Variants in KCNC1 observed in about 807,000 individuals in gnomAD.
KCNC1 encodes the protein potassium voltage-gated channel subfamily C member 1, also known as voltage-gated potassium channel KCNC1.
A neutral mutation model predicts 43.4 loss-of-function variants in KCNC1; 8 were observed. The ratio of observed to expected loss-of-function variants is 0.18; its 90% CI spans 0.11 to 0.33. The LOEUF (loss-of-function observed/expected upper bound fraction) is 0.33. KCNC1 is among the 10% of genes least tolerant of loss of function. The probability of loss-of-function intolerance (pLI) is 1.00; values close to 1 mark genes in which losing one functional copy is unlikely to be tolerated. For missense variants in KCNC1, 420 were observed against 836.0 expected, an observed-to-expected ratio of 0.50 and a Z score of 6.14; for synonymous variants, 361 against 360.5, an observed-to-expected ratio of 1.00 and a Z score of -0.01.
intron 1 of KCNC1, among the ~76,000 whole-genome samples, chr11:17,748,791 G>A (rs1848931468): frequency 6.6e-6 from 1 of 152,148 alleles, no homozygotes. Flanking sequence ...AGCCACAGGG[G>A]CCTGCACAGG....
In KCNC1 at chr11:17,736,661, G is replaced by C. The variant is rs1026590658; in HGVS notation, c.570+89G>C. 4.2e-6 allele frequency: 6 copies of C among 1,438,822 alleles called. No individual in the cohort carries two copies. In the Admixed American group the frequency reaches 1.4e-4, roughly 34 times the overall value. The allele number at this position is 1,438,822 out of a possible 1,614,324, so 89.1% of individuals were successfully genotyped here. On this transcript the variant is annotated intron_variant, in intron 1 of 3. Transcript: ENST00000265969. The surrounding 1 kb of genome is among the most constrained non-coding windows in gnomAD (Gnocchi z 9.3). ...GGCAGGGGTGGACCGGAGAACTGGC[G>C]CCTAGGGAGTTCAGAATCGAAAGGG...
chr11:17,778,894 C>T (rs1275622866), intron 2 of KCNC1, among the ~76,000 whole-genome samples: 1 of 151,830 alleles, frequency 6.6e-6, no homozygotes, highest in African/African-American at 2.4e-5. Flanking sequence ...TGGTGTGAAC[C>T]AGGTGATCAG....
At chr11:17,743,800 T>C (rs1341244821) in intron 1 of KCNC1, among the ~76,000 whole-genome samples, 1 of 152,228 alleles carries the variant, frequency 6.6e-6, no homozygotes, top group Non-Finnish European at 1.5e-5. Context: ...CTCACTTCAG[T>C]GTCCTCCCTG....
At chr11:17,754,729 C>T (rs1461808996) in intron 1 of KCNC1, among the ~76,000 whole-genome samples, 4 of 152,196 alleles carry the variant, frequency 2.6e-5, no homozygotes, top group Admixed American at 2.6e-4. Context: ...TCAGCCACCT[C>T]ATGGACCTTA....
chr11:17,756,141 C>T lies in KCNC1; in HGVS notation c.571-15524C>T, dbSNP rs150200704. 2.4e-3 allele frequency among the ~76,000 whole-genome samples: 367 copies of T among 152,280 alleles called. 3 individuals carry two copies. The highest frequency in any genetic ancestry group is 0.017 in the Middle Eastern group (5 of 294). On this transcript the variant is annotated intron_variant, in intron 1 of 3. Transcript: ENST00000265969. ...TCTCTGCCTAGAATGTGCTTCCTTG[C>T]ACCTTGCATTTCCCTAGTTGATTCT...
At position 17,779,283 on chromosome 11, in the gene KCNC1, C is replaced by G. The variant is rs1164414688; in HGVS notation, c.1505-173C>G. The G allele has an allele frequency of 3.6e-6, 2 of 560,984 alleles. No individual in the cohort carries two copies. The highest frequency in any genetic ancestry group is 3.1e-6 in the Non-Finnish European group (1 of 323,248). 34.8% of individuals were successfully genotyped at this position (560,984 alleles called of 1,614,324 possible). A position where few individuals can be genotyped will look rare whatever the true frequency, so the allele number is the denominator to read the frequency against. ...CCGAAGGCTGCCTGAATGAGCTGAA[C>G]CCCCCACCAAGCCCCCTGCCTTGTG... On this transcript the variant is annotated intron_variant, in intron 2 of 3. Coordinates refer to ENST00000265969, the MANE Select transcript of KCNC1 (RefSeq NM_001112741.2). This position sits in a 1 kb window ranked among gnomAD's most constrained non-coding sequence, Gnocchi z 7.2.
intron 1 of KCNC1, among the ~76,000 whole-genome samples, chr11:17,766,582 T>C (rs1393418710): frequency 1.3e-5 from 2 of 152,154 alleles, no homozygotes; most frequent in Admixed American, 1.3e-4. Flanking sequence ...ACAGGGGCAG[T>C]GTCCCCACCC....
At chr11:17,738,517 C>G (rs1226325363) in intron 1 of KCNC1, among the ~76,000 whole-genome samples, 1 of 152,150 alleles carries the variant, frequency 6.6e-6, no homozygotes, top group Non-Finnish European at 1.5e-5. Context: ...GGCTGAGTCC[C>G]CCAGCCCCAC....
At chr11:17,737,621 C>T (rs575913188) in intron 1 of KCNC1, among the ~76,000 whole-genome samples, 2 of 152,132 alleles carry the variant, frequency 1.3e-5, no homozygotes, top group Non-Finnish European at 2.9e-5. Context: ...TGGTAGCAGC[C>T]ACCCACCCTG....
At position 17,740,086 on chromosome 11, in the gene KCNC1, C is replaced by T. The variant is rs149297450; in HGVS notation, c.570+3514C>T. Among the ~76,000 whole-genome samples, 18 of 152,310 alleles carry T rather than the reference C, an allele frequency of 1.2e-4. 1 individual carries two copies. The East Asian group carries it at 3.5e-3, about 29-fold the overall frequency. ...CTTTCCCTGAGGAGCTGCCACCTAC[C>T]CTGGGCCTTGGTGCTGGCCCTGGAG... On this transcript the variant is annotated intron_variant, in intron 1 of 3. Coordinates refer to ENST00000265969, the MANE Select transcript of KCNC1 (RefSeq NM_001112741.2).
chr11:17,760,217 C>G (rs1013070997), intron 1 of KCNC1, among the ~76,000 whole-genome samples: 7 of 152,210 alleles, frequency 4.6e-5, no homozygotes, highest in African/African-American at 1.7e-4. Context: ...GAATTGAGCA[C>G]TAAATTTAGC....
intron 1 of KCNC1, among the ~76,000 whole-genome samples, chr11:17,756,291 T>C (rs1204860041): frequency 6.6e-6 from 1 of 152,128 alleles, no homozygotes; most frequent in Non-Finnish European, 1.5e-5. Flanking sequence ...TCAGCTCACA[T>C]AGGTACATAT....
chr11:17,776,997 C>A lies in KCNC1; in HGVS notation c.1505-2459C>A. 1 of 985,444 alleles carries A rather than the reference C, an allele frequency of 1.0e-6. No individual in the cohort carries two copies. The allele number at this position is 985,444 out of a possible 1,614,324, so 61.0% of individuals were successfully genotyped here. A position where few individuals can be genotyped will look rare whatever the true frequency, so the allele number is the denominator to read the frequency against. On this transcript the variant is annotated intron_variant, in intron 2 of 3. Transcript: ENST00000265969. The surrounding 1 kb of genome is among the most constrained non-coding windows in gnomAD (Gnocchi z 4.4). ...GTTAGGGTTGAGAGAAGCAGTAGGCCCTAGGGGTGTCCCGGGAATCCCCCA... is the reference window on the plus strand; with the variant it reads ...GTTAGGGTTGAGAGAAGCAGTAGGCACTAGGGGTGTCCCGGGAATCCCCCA...
At chr11:17,759,891 G>C (rs1297076749) in intron 1 of KCNC1, among the ~76,000 whole-genome samples, 3 of 152,150 alleles carry the variant, frequency 2.0e-5, no homozygotes, top group Non-Finnish European at 2.9e-5. Flanking sequence ...AGCATATGCT[G>C]TTGGAAAAAT....
intron 1 of KCNC1, among the ~76,000 whole-genome samples, chr11:17,767,820 C>T (rs1236239161): frequency 6.6e-6 from 1 of 152,254 alleles, no homozygotes; most frequent in Non-Finnish European, 1.5e-5. Flanking sequence ...GTCTTTGCAC[C>T]TGGACCTGGC....
At chr11:17,769,245 G>C (rs1391912637) in intron 1 of KCNC1, among the ~76,000 whole-genome samples, 5 of 152,156 alleles carry the variant, frequency 3.3e-5, no homozygotes, top group African/African-American at 1.2e-4. Context: ...GCTGGAATGA[G>C]GCCTTATTCA....
intron 1 of KCNC1, among the ~76,000 whole-genome samples, chr11:17,750,184 C>T (rs757117747): frequency 2.0e-5 from 3 of 152,190 alleles, no homozygotes; most frequent in Admixed American, 6.5e-5. Context: ...AGGGGCAAAG[C>T]CCCCAGCACC....
intron 1 of KCNC1, among the ~76,000 whole-genome samples, chr11:17,759,707 A>T (rs1849057240): frequency 1.3e-5 from 2 of 152,220 alleles, no homozygotes; most frequent in Admixed American, 6.5e-5. Flanking sequence ...GAACTCAGAT[A>T]ACATTTATCA....
chr11:17,767,315 AG>A (rs1452346603), intron 1 of KCNC1, among the ~76,000 whole-genome samples: 2 of 151,420 alleles, frequency 1.3e-5, no homozygotes, highest in Non-Finnish European at 1.5e-5. Context: ...AGAAAAGAAA[AG>A]AAAAGAAAGA....
Sources: gnomAD v4.1 joint callset for allele counts (sites outside exome capture counted in the v4.1 genomes callset) on GRCh38, gnomAD v4.1.1 for gene constraint, Gnocchi (gnomAD v3.1) non-coding constraint, MANE v1.5 for transcripts, NCBI Gene and HGNC (gene_info 2026-07-23, HGNC 2026-07-21) for gene names.